The following UNC79 variants were observed in gnomAD, a reference collection of about 807,000 sequenced individuals.
UNC79 encodes unc-79 subunit of NALCN channel complex.
Under a neutral mutation model 283.1 loss-of-function variants are expected in UNC79, and 37 were observed. The observed-to-expected ratio is 0.13, with a 90% confidence interval of 0.10 to 0.17. The LOEUF (loss-of-function observed/expected upper bound fraction) is 0.17, where lower values mean the gene tolerates loss of function less well. Among genes scored for constraint, UNC79 ranks in the 10% least tolerant of loss-of-function variants. UNC79 has a pLI of 1.00. For synonymous variants in UNC79, 1,107 were observed against 1,200.2 expected, an observed-to-expected ratio of 0.92 and a Z score of 1.61; for missense variants, 2,272 against 3,211.1, an observed-to-expected ratio of 0.71 and a Z score of 7.07.
chr14:93,467,747 A>G, exon 2 of UNC79: 1 of 1,500,916 alleles, frequency 6.7e-7, no homozygotes, highest in South Asian at 1.3e-5. Context: ...CATCAGGAAC[A>G]GATATTGCAA....
Position 93,536,782 on chromosome 14 carries a change from CTTTTTTTTT to C in UNC79, c.1123-1195_1123-1187del, listed in dbSNP as rs35677025. Among the ~76,000 whole-genome samples, 16 of 82,438 alleles carry C rather than the reference CTTTTTTTTT, an allele frequency of 1.9e-4. No individual in the cohort carries two copies. In the East Asian group the frequency reaches 2.7e-3, roughly 14 times the overall value. The allele number at this position is 82,438 out of a possible 152,430, so 54.1% of individuals were successfully genotyped here. The stretch of plus-strand genomic sequence containing the variant: ...GAAGGCACCCCCCACCCACCCCCGG[CTTTTTTTTT>C]TTTTTTTTTTTGTCTATCTAAAAGA... On this transcript the variant is annotated intron_variant, in intron 11 of 48. Transcript: ENST00000555664.
At chr14:93,453,371 ATTTGAT>A (rs1230817728) in intron 1 of UNC79, among the ~76,000 whole-genome samples, 3 of 152,218 alleles carry the variant, frequency 2.0e-5, no homozygotes, top group Non-Finnish European at 4.4e-5. Flanking sequence ...CCCCGAAATT[ATTTGAT>A]TTTCACCAAA....
intron 39 of UNC79, among the ~76,000 whole-genome samples, chr14:93,661,074 A>G (rs1291735985): frequency 6.6e-6 from 1 of 152,172 alleles, no homozygotes; most frequent in East Asian, 1.9e-4. Flanking sequence ...TTTCATATCG[A>G]TTAGAAAAAA....
chr14:93,405,999 G>C (rs1183030052), intron 1 of UNC79, among the ~76,000 whole-genome samples: 2 of 152,172 alleles, frequency 1.3e-5, no homozygotes, highest in Non-Finnish European at 2.9e-5. Context: ...AGCTGGGACA[G>C]TCCTGGGTAG....
At chr14:93,441,314 G>A (rs1045350950) in intron 1 of UNC79, among the ~76,000 whole-genome samples, 1 of 151,680 alleles carries the variant, frequency 6.6e-6, no homozygotes, top group Non-Finnish European at 1.5e-5. Context: ...TAACTCTTTT[G>A]AATCTCTTTG....
chr14:93,554,310 T>A (rs2062044596), intron 14 of UNC79, among the ~76,000 whole-genome samples: 1 of 150,550 alleles, frequency 6.6e-6, no homozygotes, highest in Admixed American at 6.6e-5. Context: ...ACCATGCCAT[T>A]GTACTCCAGC....
intron 5 of UNC79, among the ~76,000 whole-genome samples, chr14:93,493,288 C>G (rs1021480938): frequency 1.8e-4 from 27 of 152,028 alleles, no homozygotes; most frequent in Admixed American, 3.9e-4. Flanking sequence ...AGAGTGAGGG[C>G]TCCCTGGTGT....
intron 7 of UNC79, among the ~76,000 whole-genome samples, chr14:93,513,145 T>G (rs754838318): frequency 1.3e-5 from 2 of 152,166 alleles, no homozygotes; most frequent in Non-Finnish European, 2.9e-5. Flanking sequence ...CAAATTTTAC[T>G]TGTACATATT....
chr14:93,617,638 C>G lies in UNC79; in HGVS notation c.4224+334C>G, dbSNP rs1340701637. ...AGATATCTGAAATTGTATTCATCCA[C>G]TAAAGGTTTATGCCAGATAATTTTC... On this transcript the variant is annotated intron_variant, in intron 28 of 48. Coordinates refer to ENST00000555664, the Ensembl canonical transcript of UNC79. This position sits in a 1 kb window ranked among gnomAD's most constrained non-coding sequence, Gnocchi z 4.5. 6.6e-6 allele frequency among the ~76,000 whole-genome samples: 1 copy of G among 152,138 alleles called. No individual in the cohort carries two copies. The highest frequency in any genetic ancestry group is 1.5e-5 in the Non-Finnish European group (1 of 68,030).
chr14:93,604,785 T>A, intron 26 of UNC79, 111 bp from the exon 27 acceptor site: 1 of 1,124,900 alleles, frequency 8.9e-7, no homozygotes. Flanking sequence ...TTAATTCAAA[T>A]AGAAAAATGA....
intron 3 of UNC79, among the ~76,000 whole-genome samples, chr14:93,476,063 T>C (rs1031412921): frequency 6.6e-6 from 1 of 152,120 alleles, no homozygotes; most frequent in African/African-American, 2.4e-5. Flanking sequence ...GTTTGTAACA[T>C]GGAATTCTGG....
At chr14:93,392,543 T>G (rs879489264) in intron 1 of UNC79, among the ~76,000 whole-genome samples, 1 of 152,208 alleles carries the variant, frequency 6.6e-6, no homozygotes, top group Non-Finnish European at 1.5e-5. Flanking sequence ...ATGCAATGAC[T>G]CTTCAGTCCA....
chr14:93,538,804 C>CA (rs534706329), intron 12 of UNC79, among the ~76,000 whole-genome samples: 89,110 of 111,304 alleles, frequency 0.8, 35,663 homozygotes, highest in East Asian at 0.9. Context: ...ATCACATGAC[C>CA]AAAAAAAAAA....
At chr14:93,604,948 CG>C in intron 26 of UNC79, 1 of 1,579,680 alleles carries the variant, frequency 6.3e-7, no homozygotes, top group East Asian at 2.3e-5. Flanking sequence ...GTGGGACACC[CG>C]AACAGACGCC....
intron 1 of UNC79, among the ~76,000 whole-genome samples, chr14:93,338,172 G>A (rs965349320): frequency 2.6e-5 from 4 of 152,110 alleles, no homozygotes; most frequent in African/African-American, 9.7e-5. Flanking sequence ...CAGAGGTGCT[G>A]CCGGCCACAG....
intron 1 of UNC79, among the ~76,000 whole-genome samples, chr14:93,424,279 G>A (rs988043650): frequency 1.3e-4 from 20 of 152,136 alleles, no homozygotes; most frequent in Non-Finnish European, 2.8e-4. Context: ...ATGTAAATTA[G>A]TATAACCACT....
intron 13 of UNC79, among the ~76,000 whole-genome samples, chr14:93,541,880 C>T (rs7155626): frequency 1.1e-4 from 16 of 151,906 alleles, no homozygotes; most frequent in African/African-American, 3.9e-4. Context: ...TGGCAAGCGC[C>T]TGTAGTCCCA....
intron 1 of UNC79, among the ~76,000 whole-genome samples, chr14:93,396,173 A>G (rs947629050): frequency 1.4e-5 from 2 of 146,680 alleles, no homozygotes; most frequent in African/African-American, 2.5e-5. Flanking sequence ...TTCTGTTGAG[A>G]TTGTCTTGTG....
intron 26 of UNC79, among the ~76,000 whole-genome samples, chr14:93,610,045 A>G (rs1180292776): frequency 1.3e-5 from 2 of 152,234 alleles, no homozygotes; most frequent in African/African-American, 4.8e-5. Flanking sequence ...ATGGGCATGT[A>G]TGAAATGACA....
Sources: gnomAD v4.1 joint callset for allele counts (sites outside exome capture counted in the v4.1 genomes callset) on GRCh38, gnomAD v4.1.1 for gene constraint, Gnocchi (gnomAD v3.1) non-coding constraint, MANE v1.5 for transcripts, NCBI Gene and HGNC (gene_info 2026-07-23, HGNC 2026-07-21) for gene names.